The following DGCR2 variants were observed in gnomAD, a reference collection of about 807,000 sequenced individuals.
The protein encoded by DGCR2 is DiGeorge syndrome critical region gene 2.
A neutral mutation model predicts 51.6 loss-of-function variants in DGCR2; 24 were observed. The observed-to-expected ratio is 0.47, with a 90% CI of 0.34 to 0.65. The LOEUF is 0.65. DGCR2 is among the 30% of genes least tolerant of loss of function. The pLI is 0.01. For synonymous variants in DGCR2, 340 were observed against 315.4 expected (o/e 1.08, Z -0.82); for missense variants, 765 against 772.1 (o/e 0.99, Z 0.11).
intron 5 of DGCR2, among the ~76,000 whole-genome samples, chr22:19,062,358 G>T (rs2238744): frequency 6.6e-6 from 1 of 152,046 alleles, no homozygotes; most frequent in Non-Finnish European, 1.5e-5. Context: ...CCCCGCCTCT[G>T]TGGGGCCCTC....
At chr22:19,113,807 T>G (rs2083343323) in intron 1 of DGCR2, among the ~76,000 whole-genome samples, 1 of 152,054 alleles carries the variant, frequency 6.6e-6, no homozygotes, top group Admixed American at 6.6e-5. Flanking sequence ...GCCTGTAATC[T>G]CAGCACTTTG....
chr22:19,058,631 C>G (rs1249680803), intron 5 of DGCR2, among the ~76,000 whole-genome samples: 1 of 152,220 alleles, frequency 6.6e-6, no homozygotes, highest in Non-Finnish European at 1.5e-5. Flanking sequence ...TCCTTCCAAT[C>G]TTTAACAAAC....
chr22:19,082,897 T>C (rs1433002952), intron 2 of DGCR2, among the ~76,000 whole-genome samples: 2 of 152,132 alleles, frequency 1.3e-5, no homozygotes, highest in African/African-American at 4.8e-5. Flanking sequence ...GAGACCAGCC[T>C]GGGCAACGTG....
intron 1 of DGCR2, among the ~76,000 whole-genome samples, chr22:19,115,981 A>G (rs1227756845): frequency 6.6e-6 from 1 of 152,236 alleles, no homozygotes; most frequent in Non-Finnish European, 1.5e-5. Context: ...GCTTTATGTC[A>G]GACACTTTTT....
chr22:19,114,283 T>A (rs1296017366), intron 1 of DGCR2, among the ~76,000 whole-genome samples: 1 of 152,236 alleles, frequency 6.6e-6, no homozygotes, highest in Non-Finnish European at 1.5e-5. Context: ...TGTTAGCAAA[T>A]GTGAAGAAAT....
intron 1 of DGCR2, among the ~76,000 whole-genome samples, chr22:19,115,799 A>C (rs2083367494): frequency 2.6e-5 from 4 of 151,884 alleles, no homozygotes; most frequent in Admixed American, 2.6e-4. Flanking sequence ...AGCAAAGAGC[A>C]CTCTCTGTGT....
chr22:19,090,294 T>C (rs2083064572), intron 1 of DGCR2, among the ~76,000 whole-genome samples: 1 of 152,094 alleles, frequency 6.6e-6, no homozygotes, highest in African/African-American at 2.4e-5. Context: ...ATTTCCCAAT[T>C]TGATGAAAAC....
intron 2 of DGCR2, among the ~76,000 whole-genome samples, chr22:19,086,591 C>A (rs1285180134): frequency 6.6e-6 from 1 of 152,160 alleles, no homozygotes. Flanking sequence ...CTTGTCAGGG[C>A]AGTGGCCTCC....
At chr22:19,051,569 T>C (rs538190284) in intron 6 of DGCR2, among the ~76,000 whole-genome samples, 1 of 151,938 alleles carries the variant, frequency 6.6e-6, no homozygotes, top group South Asian at 2.1e-4. Context: ...CTATAGAAAA[T>C]AAAAAACTTA....
chr22:19,096,657 C>T lies in DGCR2; in HGVS notation c.80-7167G>A, dbSNP rs375965555. 1.1e-4 allele frequency among the ~76,000 whole-genome samples: 16 copies of T among 151,928 alleles called. No homozygotes were observed. The East Asian group carries it at 1.9e-3, about 18-fold the overall frequency. ...GGAAAAAAAAAGCCTTCTAATTTCC[C>T]AAACTATACTGAGAAAGAGTTCATT... On this transcript the variant is annotated intron_variant, in intron 1 of 9. Transcript: ENST00000263196.
At chr22:19,053,036 C>T (rs187320301) in intron 6 of DGCR2, among the ~76,000 whole-genome samples, 242 of 152,358 alleles carry the variant, frequency 1.6e-3, no homozygotes, top group African/African-American at 5.6e-3. Context: ...TGAGTCCATA[C>T]TTCCAACTGG....
intron 7 of DGCR2, among the ~76,000 whole-genome samples, chr22:19,044,365 G>C (rs1472177855): frequency 6.6e-6 from 1 of 152,230 alleles, no homozygotes; most frequent in East Asian, 1.9e-4. Context: ...TCCAGCCTGT[G>C]CAAGAAGAGC....
At chr22:19,073,179 G>C (rs1273243345) in intron 2 of DGCR2, among the ~76,000 whole-genome samples, 1 of 152,170 alleles carries the variant, frequency 6.6e-6, no homozygotes, top group East Asian at 1.9e-4. Context: ...CAAGAGGACT[G>C]TTTGAGCCTA....
intron 2 of DGCR2, among the ~76,000 whole-genome samples, chr22:19,076,434 G>A (rs2145988572): frequency 6.6e-6 from 1 of 151,952 alleles, no homozygotes; most frequent in South Asian, 2.1e-4. Context: ...CAAAGTGCTG[G>A]GATTACAGGC....
intron 6 of DGCR2, among the ~76,000 whole-genome samples, chr22:19,051,591 C>T (rs1443999297): frequency 6.6e-6 from 1 of 152,132 alleles, no homozygotes; most frequent in Non-Finnish European, 1.5e-5. Context: ...CCAGGCATGA[C>T]GGTGCACACC....
chr22:19,115,434 G>A lies in DGCR2; in HGVS notation c.79+6694C>T, dbSNP rs903778843. On this transcript the variant is annotated intron_variant, in intron 1 of 9. Coordinates refer to ENST00000263196, the MANE Select transcript of DGCR2 (RefSeq NM_005137.3). Reference sequence around the variant, plus strand: ...CAAGCTCCTACCAGGGTGGGGCCCAGGCCAGCTGGCTCCACAGCCATGTCC... The same window carrying A: ...CAAGCTCCTACCAGGGTGGGGCCCAAGCCAGCTGGCTCCACAGCCATGTCC... Among the ~76,000 whole-genome samples the A allele has an allele frequency of 4.6e-5, 7 of 152,172 alleles. No individual in the cohort carries two copies. The South Asian group carries it at 1.0e-3, about 22-fold the overall frequency.
At chr22:19,093,150 C>T (rs570257904) in intron 1 of DGCR2, among the ~76,000 whole-genome samples, 3 of 152,072 alleles carry the variant, frequency 2.0e-5, no homozygotes, top group Non-Finnish European at 2.9e-5. Context: ...CACCTGAGGT[C>T]GGGAGCTCCG....
intron 2 of DGCR2, among the ~76,000 whole-genome samples, chr22:19,082,943 C>T (rs1342533745): frequency 1.3e-5 from 2 of 151,750 alleles, no homozygotes; most frequent in Non-Finnish European, 2.9e-5. Flanking sequence ...TGCAATTAGC[C>T]GGGCATGGTG....
At chr22:19,075,632 G>A (rs929769431) in intron 2 of DGCR2, among the ~76,000 whole-genome samples, 2 of 152,084 alleles carry the variant, frequency 1.3e-5, no homozygotes, top group African/African-American at 2.4e-5. Context: ...TCTACTTCCT[G>A]TATCTATGCA....
Sources: gnomAD v4.1 joint callset for allele counts (sites outside exome capture counted in the v4.1 genomes callset) on GRCh38, gnomAD v4.1.1 for gene constraint, MANE v1.5 for transcripts, NCBI Gene and HGNC (gene_info 2026-07-23, HGNC 2026-07-21) for gene names.